Variants in NAV3 observed in about 807,000 individuals in gnomAD.
NAV3 encodes pore membrane and/or filament interacting like protein 1.
Under a neutral mutation model 244.7 loss-of-function variants are expected in NAV3, and 87 were observed. The observed-to-expected ratio is 0.36, with a 90% CI of 0.30 to 0.42. The LOEUF is 0.42. Ranked by LOEUF, NAV3 falls within the 20% of genes least tolerant of loss-of-function variation. The pLI is 1.00. For synonymous variants in NAV3, 1,126 were observed against 1,042.2 expected (o/e 1.08, Z -1.55); for missense variants, 2,663 against 2,893.3 (o/e 0.92, Z 1.83).
At chr12:77,694,016 A>G (rs894393591) in intron 2 of NAV3, among the ~76,000 whole-genome samples, 1 of 152,102 alleles carries the variant, frequency 6.6e-6, no homozygotes, top group African/African-American at 2.4e-5. Context: ...GGGTTTTGCT[A>G]CAGTAATGCA....
At chr12:78,011,237 A>G (rs1875219053) in intron 8 of NAV3, among the ~76,000 whole-genome samples, 1 of 152,186 alleles carries the variant, frequency 6.6e-6, no homozygotes, top group Non-Finnish European at 1.5e-5. Context: ...ACCAGTTATT[A>G]CAGTTTAAGC....
chr12:77,602,709 A>G (rs1330872641), intron 2 of NAV3, among the ~76,000 whole-genome samples: 1 of 152,044 alleles, frequency 6.6e-6, no homozygotes, highest in African/African-American at 2.4e-5. Context: ...CTCTACTCCC[A>G]TAATAGCAGT....
chr12:77,761,478 A>G (rs1318620717), intron 2 of NAV3, among the ~76,000 whole-genome samples: 2 of 152,188 alleles, frequency 1.3e-5, no homozygotes, highest in Non-Finnish European at 2.9e-5. Flanking sequence ...TGACTATTCC[A>G]AGTGAACAGG....
intron 6 of NAV3, among the ~76,000 whole-genome samples, chr12:77,995,123 G>T (rs1007200406): frequency 2.0e-5 from 3 of 151,948 alleles, no homozygotes; most frequent in Non-Finnish European, 2.9e-5. Flanking sequence ...CTAGGTTCTA[G>T]GTTTAGAATC....
At chr12:78,038,409 C>T (rs1238759945) in intron 9 of NAV3, among the ~76,000 whole-genome samples, 1 of 152,152 alleles carries the variant, frequency 6.6e-6, no homozygotes, top group South Asian at 2.1e-4. Flanking sequence ...ATGCTAAATG[C>T]AGGCTTGCTT....
chr12:78,041,053 AGG>A (rs986973840), intron 9 of NAV3, among the ~76,000 whole-genome samples: 2 of 152,174 alleles, frequency 1.3e-5, no homozygotes, highest in Admixed American at 1.3e-4. Context: ...TATATGTATG[AGG>A]AGAAGTATGG....
chr12:78,053,780 T>C (rs1242604008), intron 11 of NAV3, among the ~76,000 whole-genome samples: 1 of 152,198 alleles, frequency 6.6e-6, no homozygotes, highest in African/African-American at 2.4e-5. Context: ...TATTTAGCCT[T>C]AGCTGGAAAC....
At chr12:77,900,346 G>A (rs535993962) in intron 1 of NAV3, among the ~76,000 whole-genome samples, 19 of 152,200 alleles carry the variant, frequency 1.2e-4, no homozygotes, top group African/African-American at 3.8e-4. Context: ...AAAGTGCTGG[G>A]ATTACTGGCA....
chr12:77,966,055 A>G (rs955812346), intron 3 of NAV3, among the ~76,000 whole-genome samples, 174 bp from the exon 4 acceptor site: 2 of 152,218 alleles, frequency 1.3e-5, no homozygotes, highest in Admixed American at 6.5e-5. Flanking sequence ...TGAAAGCTTT[A>G]TATTCATTCT....
chr12:77,821,495 T>TA (rs1198669251), intron 2 of NAV3, among the ~76,000 whole-genome samples: 2 of 152,302 alleles, frequency 1.3e-5, no homozygotes, highest in African/African-American at 2.4e-5. Context: ...GAGCAATGGT[T>TA]ACATGGTGCT....
At chr12:77,698,553 G>C (rs957955019) in intron 2 of NAV3, among the ~76,000 whole-genome samples, 2 of 152,138 alleles carry the variant, frequency 1.3e-5, no homozygotes, top group African/African-American at 4.8e-5. Flanking sequence ...TCAAAGCCAA[G>C]AGTTGATGAG....
intron 1 of NAV3, among the ~76,000 whole-genome samples, chr12:77,928,466 A>T (rs1168933737): frequency 6.6e-6 from 1 of 152,098 alleles, no homozygotes; most frequent in East Asian, 1.9e-4. Flanking sequence ...TAGGATTTCA[A>T]AATTGTCTGA....
chr12:78,068,295 A>G (rs1319568644), intron 12 of NAV3, among the ~76,000 whole-genome samples: 1 of 151,892 alleles, frequency 6.6e-6, no homozygotes, highest in African/African-American at 2.4e-5. Context: ...AGTATTATTC[A>G]TAAAATTATT....
intron 2 of NAV3, among the ~76,000 whole-genome samples, chr12:77,769,894 A>G (rs748121344): frequency 1.3e-5 from 2 of 152,216 alleles, no homozygotes; most frequent in African/African-American, 2.4e-5. Context: ...ATAAATAAGT[A>G]TGTTTAGTGA....
intron 2 of NAV3, among the ~76,000 whole-genome samples, chr12:77,715,152 T>C (rs1397106391): frequency 6.6e-6 from 1 of 151,994 alleles, no homozygotes; most frequent in Non-Finnish European, 1.5e-5. Flanking sequence ...GAAACTGTGA[T>C]ATTAAATCCA....
At chr12:77,699,100 T>G (rs549731065) in intron 2 of NAV3, among the ~76,000 whole-genome samples, 1 of 152,282 alleles carries the variant, frequency 6.6e-6, no homozygotes, top group African/African-American at 2.4e-5. Context: ...CCACTTTTAT[T>G]TGATATATTT....
Position 78,210,424 on chromosome 12 carries a change from A to G in NAV3, c.7065A>G (p.Glu2355=), listed in dbSNP as rs772483668. 6 of 1,613,734 alleles carry G rather than the reference A, an allele frequency of 3.7e-6. No homozygotes were observed. In the South Asian group the frequency reaches 6.6e-5, roughly 18 times the overall value. ...TGAATATGCTAATGAAACTCCAAGAAGCAGCCAATTACTCGAGCACACAAA... is the reference window on the plus strand; with the variant it reads ...TGAATATGCTAATGAAACTCCAAGAGGCAGCCAATTACTCGAGCACACAAA... ...PLMNMLMKLQ[E]AANYSSTQSC... is the part of the protein sequence containing the mutation. Residue 2355 remains glutamate (E), a synonymous_variant, in exon 40 of 40, where the codon GAA becomes GAG. Transcript: ENST00000397909.
At chr12:77,741,217 A>C (rs1243252824) in intron 2 of NAV3, among the ~76,000 whole-genome samples, 1 of 151,454 alleles carries the variant, frequency 6.6e-6, no homozygotes, top group Non-Finnish European at 1.5e-5. Context: ...ATAGAGAAGG[A>C]AGCGGGGGGA....
chr12:78,190,780 G>A (rs534494946), intron 34 of NAV3, among the ~76,000 whole-genome samples: 10 of 152,066 alleles, frequency 6.6e-5, no homozygotes, highest in South Asian at 2.1e-4. Flanking sequence ...CACCATCTAC[G>A]GTCTAATGTG....
Sources: gnomAD v4.1 joint callset for allele counts (sites outside exome capture counted in the v4.1 genomes callset) on GRCh38, gnomAD v4.1.1 for gene constraint, MANE v1.5 for transcripts, NCBI Gene and HGNC (gene_info 2026-07-23, HGNC 2026-07-21) for gene names.